Variants in ZNF438 observed in about 807,000 individuals in gnomAD.
The protein encoded by ZNF438 is zinc finger protein 438.
A neutral mutation model predicts 38.0 loss-of-function variants in ZNF438; 25 were observed. The observed-to-expected ratio is 0.66, with a 90% CI of 0.48 to 0.92. ZNF438 has a LOEUF of 0.92. Ranked by LOEUF, ZNF438 falls within the 40% of genes least tolerant of loss-of-function variation. ZNF438 has a pLI of 0.00. For missense variants in ZNF438, 1,007 were observed against 999.6 expected (o/e 1.01, Z -0.10); for synonymous variants, 372 against 364.1 (o/e 1.02, Z -0.25).
chr10:30,992,925 A>G (rs1410346415), intron 1 of ZNF438, among the ~76,000 whole-genome samples: 1 of 152,236 alleles, frequency 6.6e-6, no homozygotes, highest in Non-Finnish European at 1.5e-5. Flanking sequence ...CTTGAGAGTG[A>G]TGAACTAGCA....
chr10:30,928,405 A>T (rs2045217256), intron 2 of ZNF438, among the ~76,000 whole-genome samples: 1 of 152,100 alleles, frequency 6.6e-6, no homozygotes, highest in South Asian at 2.1e-4. Flanking sequence ...TGTCTTCTTC[A>T]CTGACGAAAG....
chr10:30,987,382 TC>T (rs1445497829), intron 1 of ZNF438, among the ~76,000 whole-genome samples: 23 of 151,806 alleles, frequency 1.5e-4, no homozygotes, highest in Admixed American at 1.5e-3. Flanking sequence ...AAAAAAAAAT[TC>T]CAGCATGATA....
At chr10:30,923,492 T>C (rs962978339) in intron 2 of ZNF438, 1 of 152,234 alleles carries the variant, frequency 6.6e-6, no homozygotes, top group Non-Finnish European at 1.5e-5. Context: ...ATTTTGTGTA[T>C]GATGAGGTAA....
At chr10:31,008,145 G>C (rs1277531755) in intron 1 of ZNF438, among the ~76,000 whole-genome samples, 1 of 152,118 alleles carries the variant, frequency 6.6e-6, no homozygotes, top group Admixed American at 6.5e-5. Flanking sequence ...TCACAAGCCT[G>C]CAAGCAAGGA....
At chr10:31,008,656 C>T (rs2055376336) in intron 1 of ZNF438, among the ~76,000 whole-genome samples, 1 of 152,164 alleles carries the variant, frequency 6.6e-6, no homozygotes, top group African/African-American at 2.4e-5. Context: ...GGATGTACCA[C>T]ATTTTGTTTA....
intron 3 of ZNF438, among the ~76,000 whole-genome samples, chr10:30,906,319 C>T (rs2042579016): frequency 6.6e-6 from 1 of 152,150 alleles, no homozygotes; most frequent in Non-Finnish European, 1.5e-5. Flanking sequence ...CTGTTTAATG[C>T]TACTGCCAAC....
chr10:30,930,663 C>T (rs190388076), intron 2 of ZNF438, among the ~76,000 whole-genome samples: 55 of 151,576 alleles, frequency 3.6e-4, no homozygotes, highest in African/African-American at 1.3e-3. Context: ...AAAAATTAGC[C>T]GGCCATGGTG....
intron 1 of ZNF438, among the ~76,000 whole-genome samples, chr10:31,020,166 A>T (rs2056487462): frequency 6.6e-6 from 1 of 152,202 alleles, no homozygotes; most frequent in African/African-American, 2.4e-5. Context: ...GCTAGTAACC[A>T]TATTCAGGAA....
At chr10:30,984,217 G>C (rs1374236978) in intron 1 of ZNF438, among the ~76,000 whole-genome samples, 152 bp downstream of exon 2, 1 of 152,092 alleles carries the variant, frequency 6.6e-6, no homozygotes, top group African/African-American at 2.4e-5. Context: ...GAAGATTCAT[G>C]TAAATGTGAT....
intron 1 of ZNF438, among the ~76,000 whole-genome samples, chr10:31,018,863 A>G (rs2056394778): frequency 6.6e-6 from 1 of 152,142 alleles, no homozygotes; most frequent in Non-Finnish European, 1.5e-5. Context: ...TTAGGGGGAA[A>G]GGGAGAGGGG....
At chr10:30,887,060 C>A (rs529714852) in intron 3 of ZNF438, among the ~76,000 whole-genome samples, 19 of 152,142 alleles carry the variant, frequency 1.2e-4, no homozygotes, top group Non-Finnish European at 2.5e-4. Context: ...GTCTTTCATA[C>A]GCAAACCAAC....
At chr10:30,970,001 T>C (rs978654974) in intron 1 of ZNF438, among the ~76,000 whole-genome samples, 1 of 151,976 alleles carries the variant, frequency 6.6e-6, no homozygotes, top group East Asian at 1.9e-4. Context: ...ACTGAGACCT[T>C]TGGCAAATGA....
intron 1 of ZNF438, among the ~76,000 whole-genome samples, chr10:31,017,032 A>C (rs2056248411): frequency 1.3e-5 from 2 of 152,342 alleles, no homozygotes; most frequent in African/African-American, 4.8e-5. Context: ...GCAAACTAAC[A>C]AAAGAGTATA....
At chr10:30,866,597 G>A (rs2036465286) in intron 4 of ZNF438, among the ~76,000 whole-genome samples, 1 of 152,174 alleles carries the variant, frequency 6.6e-6, no homozygotes, top group Non-Finnish European at 1.5e-5. Context: ...CACTTTGGGA[G>A]GCCAAGGAAG....
chr10:30,943,369 G>C lies in ZNF438; in HGVS notation c.-191-1718C>G, dbSNP rs77744062. On this transcript the variant is annotated intron_variant, in intron 1 of 5. Transcript: ENST00000413025. ...GACCATCTATTGAGACAGAGGGAAA[G>C]GGAGGAGGAGAGAAGAAGGGAGAAA... Among the ~76,000 whole-genome samples the C allele has an allele frequency of 6.0e-3, 908 of 152,072 alleles. 13 individuals are homozygous for C. The highest frequency in any genetic ancestry group is 0.021 in the African/African-American group (860 of 41,492).
In ZNF438 at chr10:30,908,946, T is replaced by C. The variant is rs76937344; in HGVS notation, c.-45A>G. 468 of 152,328 alleles carry C rather than the reference T, an allele frequency of 3.1e-3. 2 individuals are homozygous for C. Among genetic ancestry groups the C allele is most frequent in the African/African-American group, 0.01 (432 of 41,580 alleles). 9.4% of individuals were successfully genotyped at this position (152,328 alleles called of 1,614,324 possible). On this transcript the variant is annotated 5_prime_UTR_variant, in exon 3 of 6. Transcript: ENST00000413025. ...TTAACAAAATACCTTTTACTGTTCT[T>C]GCATGAAGTTTGTGGTTAATTCCAT...
intron 1 of ZNF438, among the ~76,000 whole-genome samples, chr10:31,010,230 T>C (rs955623677): frequency 4.6e-5 from 7 of 152,226 alleles, no homozygotes; most frequent in Non-Finnish European, 8.8e-5. Flanking sequence ...AAAATACTTA[T>C]ATGTTTACCT....
At chr10:30,889,059 C>T (rs561560042) in intron 3 of ZNF438, among the ~76,000 whole-genome samples, 4 of 152,090 alleles carry the variant, frequency 2.6e-5, no homozygotes, top group Non-Finnish European at 4.4e-5. Context: ...CATATATATA[C>T]AATAATATCT....
At chr10:30,957,209 G>T (rs968599883) in intron 1 of ZNF438, among the ~76,000 whole-genome samples, 1 of 152,092 alleles carries the variant, frequency 6.6e-6, no homozygotes, top group African/African-American at 2.4e-5. Context: ...TATCTATTCA[G>T]ATCTTTTCCC....
Sources: allele counts gnomAD v4.1 joint callset (sites outside exome capture counted in the v4.1 genomes callset), GRCh38; gene constraint gnomAD v4.1.1; transcripts MANE v1.5; gene names NCBI Gene and HGNC (gene_info 2026-07-23, HGNC 2026-07-21).